The following SVEP1 variants were observed in gnomAD, a reference collection of about 807,000 sequenced individuals.
SVEP1 encodes the protein sushi, von Willebrand factor type A, EGF and pentraxin domain containing 1.
In SVEP1, 164 loss-of-function variants were observed where a neutral mutation model predicts 367.3. That is an observed-to-expected ratio of 0.45 (90% CI 0.39 to 0.51). The LOEUF is 0.51. Ranked by LOEUF, SVEP1 falls within the 20% of genes least tolerant of loss-of-function variation. The probability of loss-of-function intolerance (pLI) is 0.00; values close to 1 mark genes in which losing one functional copy is unlikely to be tolerated. For missense variants in SVEP1, 4,117 were observed against 4,425.3 expected (o/e 0.93, Z 1.98); for synonymous variants, 1,666 against 1,611.6 (o/e 1.03, Z -0.81).
chr9:110,504,959 T>C (rs2118758920), intron 5 of SVEP1, among the ~76,000 whole-genome samples: 1 of 152,222 alleles, frequency 6.6e-6, no homozygotes, highest in South Asian at 2.1e-4. Context: ...AGGCACAACT[T>C]GTGACATGGT....
At chr9:110,379,169 T>C (rs1160085405) in intron 44 of SVEP1, among the ~76,000 whole-genome samples, 178 bp downstream of exon 44, 1 of 152,176 alleles carries the variant, frequency 6.6e-6, no homozygotes, top group East Asian at 1.9e-4. Flanking sequence ...ACCTAAGAGT[T>C]CTATGTGCTT....
At chr9:110,547,667 T>C (rs575681529) in intron 2 of SVEP1, among the ~76,000 whole-genome samples, 1 of 152,166 alleles carries the variant, frequency 6.6e-6, no homozygotes, top group South Asian at 2.1e-4. Flanking sequence ...GTGGAGGAGG[T>C]ACAAATGGGG....
intron 36 of SVEP1, among the ~76,000 whole-genome samples, chr9:110,427,040 G>A (rs1170111533): frequency 6.6e-6 from 1 of 152,080 alleles, no homozygotes; most frequent in Non-Finnish European, 1.5e-5. Flanking sequence ...TGGGTGCAGT[G>A]GCTCATGTCT....
In SVEP1 at chr9:110,406,589, G is replaced by C; in HGVS notation, c.9011C>G (p.Pro3004Arg). ...AATTACTGGTGTGGAACATCTGCAA[G>C]GCAGGCAGGAAGGTGAGCTGCCACT... Reference protein sequence around the residue: ...SWSGSSPSCLPCRCSTPVIEY... With the variant: ...SWSGSSPSCLRCRCSTPVIEY... Residue 3004 changes from proline to arginine, a missense_variant, in exon 38 of 48, where the codon CCT (proline) becomes CGT (arginine). Around this residue, in one of 4 missense-constraint regions of SVEP1, gnomAD observed 1,765 missense variants for 1,781.1 expected, o/e 0.99. Coordinates refer to ENST00000374469, the MANE Select transcript of SVEP1 (RefSeq NM_153366.4). 6.2e-7 allele frequency: 1 copy of C among 1,613,824 alleles called. No homozygotes were observed. Among genetic ancestry groups the C allele is most frequent in the Non-Finnish European group, 8.5e-7 (1 of 1,179,850 alleles).
chr9:110,524,990 G>A (rs1829923434), intron 3 of SVEP1, among the ~76,000 whole-genome samples: 1 of 152,036 alleles, frequency 6.6e-6, no homozygotes, highest in Non-Finnish European at 1.5e-5. Flanking sequence ...GGGACTTCAG[G>A]TGTGAGCCAC....
At position 110,408,676 on chromosome 9, in the gene SVEP1, G is replaced by T. The variant is rs1827994219; in HGVS notation, c.6924C>A (p.Gly2308=). 4 of 1,613,800 alleles carry T rather than the reference G, an allele frequency of 2.5e-6. No homozygotes were observed. The highest frequency in any genetic ancestry group is 2.2e-5 in the South Asian group (2 of 91,086). ...GDSSWTCQKS[G]KWNKKSNPKC... is the part of the protein sequence containing the mutation. ...TTGGATTTGACTTCTTATTCCATTT[G>T]CCAGATTTCTGACATGTCCAAGAAC... The change falls in exon 38 of 48, where the codon GGC becomes GGA. Residue 2308 remains glycine (G), a synonymous_variant. Coordinates refer to ENST00000374469, the MANE Select transcript of SVEP1 (RefSeq NM_153366.4).
chr9:110,378,043 A>T (rs920642275), intron 44 of SVEP1, among the ~76,000 whole-genome samples: 1 of 152,040 alleles, frequency 6.6e-6, no homozygotes, highest in African/African-American at 2.4e-5. Flanking sequence ...AAATGGCAGG[A>T]TTTTCTTCTT....
intron 36 of SVEP1, 117 bp downstream of exon 36, chr9:110,427,474 T>G: frequency 8.0e-7 from 1 of 1,243,230 alleles, no homozygotes; most frequent in Non-Finnish European, 1.1e-6. Flanking sequence ...CATAAGGCTC[T>G]CTTTGTCTTT....
rs972281753 is a variant in SVEP1, at chr9:110,458,604, C to T, written c.3485-42G>A. On this transcript the variant is annotated intron_variant, in intron 19 of 47. Transcript: ENST00000374469. The stretch of plus-strand genomic sequence containing the variant: ...AAAACATGTCAGTGTGGCAAATATG[C>T]CAGTAAGTGGACTATATCTAACACT... 8 of 1,542,858 alleles carry T rather than the reference C, an allele frequency of 5.2e-6. No homozygotes were observed. In the Admixed American group the frequency reaches 7.5e-5, roughly 14 times the overall value.
intron 1 of SVEP1, among the ~76,000 whole-genome samples, chr9:110,572,761 GA>G (rs200963923): frequency 0.17 from 21,086 of 122,896 alleles, 2,162 homozygotes; most frequent in East Asian, 0.45. Flanking sequence ...CAGCCTGGGT[GA>G]CAGAGGGTGA....
chr9:110,522,195 T>G (rs908983691), intron 3 of SVEP1, among the ~76,000 whole-genome samples: 1 of 152,174 alleles, frequency 6.6e-6, no homozygotes, highest in Non-Finnish European at 1.5e-5. Context: ...GGGTTTCAAC[T>G]TGAACCTAGA....
At chr9:110,465,322 C>T (rs1427741602) in intron 18 of SVEP1, among the ~76,000 whole-genome samples, 1 of 151,904 alleles carries the variant, frequency 6.6e-6, no homozygotes, top group Non-Finnish European at 1.5e-5. Context: ...AACCAATTCC[C>T]AGCCTCTACT....
intron 40 of SVEP1, among the ~76,000 whole-genome samples, chr9:110,390,053 G>GTATATATATATAAGTATATATACACGTA (rs200582278): frequency 2.8e-4 from 34 of 120,542 alleles, no homozygotes; most frequent in African/African-American, 9.9e-4. Flanking sequence ...ATATATACAC[G>GTATATATATATAAGTATATATACACGTA]TATATATATA....
chr9:110,393,425 T>A (rs1324313802), intron 40 of SVEP1, among the ~76,000 whole-genome samples: 1 of 152,196 alleles, frequency 6.6e-6, no homozygotes, highest in Non-Finnish European at 1.5e-5. Context: ...ACAGCTCCAG[T>A]CTACAGCTCC....
rs1829560555 is a variant in SVEP1 at position 110,503,020 on chromosome 9, C to T, written c.1483+18G>A. 6 of 1,604,062 alleles carry T rather than the reference C, an allele frequency of 3.7e-6. No individual in the cohort carries two copies. Among genetic ancestry groups the T allele is most frequent in the Non-Finnish European group, 5.1e-6 (6 of 1,175,862 alleles). ...AGGAAATGAATCACTCAAGGCATTA[C>T]ACCTTCTAGAAACTTACCCACACAC... On this transcript the variant is annotated intron_variant, in intron 6 of 47. Coordinates refer to ENST00000374469, the MANE Select transcript of SVEP1 (RefSeq NM_153366.4).
chr9:110,572,245 G>A (rs1372832844), intron 1 of SVEP1, among the ~76,000 whole-genome samples: 13 of 152,306 alleles, frequency 8.5e-5, no homozygotes, highest in Admixed American at 5.9e-4. Context: ...ATGCACATTT[G>A]TATCATTAGG....
intron 18 of SVEP1, among the ~76,000 whole-genome samples, chr9:110,462,024 G>A (rs1828865733): frequency 6.6e-6 from 1 of 152,094 alleles, no homozygotes; most frequent in Non-Finnish European, 1.5e-5. Flanking sequence ...TTAACAGAAA[G>A]CATCAATCTT....
At chr9:110,423,603 G>A (rs1179120930) in intron 36 of SVEP1, among the ~76,000 whole-genome samples, 2 of 152,014 alleles carry the variant, frequency 1.3e-5, no homozygotes, top group African/African-American at 4.8e-5. Context: ...ATGGAAAAAT[G>A]TCTTAAGCCT....
At chr9:110,531,850 C>A (rs147850369) in intron 3 of SVEP1, among the ~76,000 whole-genome samples, 8 of 152,248 alleles carry the variant, frequency 5.3e-5, no homozygotes, top group Admixed American at 1.3e-4. Flanking sequence ...CACACATGTG[C>A]ACTACTGTGG....
Sources: gnomAD v4.1 joint callset for allele counts (sites outside exome capture counted in the v4.1 genomes callset) on GRCh38, gnomAD v4.1.1 for gene constraint, gnomAD v4.1.1 regional missense constraint, MANE v1.5 for transcripts, NCBI Gene and HGNC (gene_info 2026-07-23, HGNC 2026-07-21) for gene names.